Variants in MBD5 observed in about 807,000 individuals in gnomAD.
MBD5 encodes the protein methyl-CpG binding domain protein 5.
A neutral mutation model predicts 117.3 loss-of-function variants in MBD5; 13 were observed. That is an observed-to-expected ratio of 0.11 (90% CI 0.07 to 0.18). MBD5 has a LOEUF of 0.18. Among genes scored for constraint, MBD5 ranks in the 10% least tolerant of loss-of-function variants. The pLI, the probability that MBD5 is intolerant of heterozygous loss-of-function variation, is 1.00. For missense variants in MBD5, 1,879 were observed against 2,093.8 expected (o/e 0.90, Z 2.00); for synonymous variants, 727 against 766.4 (o/e 0.95, Z 0.85).
intron 1 of MBD5, among the ~76,000 whole-genome samples, chr2:148,150,855 G>T (rs1307414771): frequency 1.3e-5 from 2 of 152,164 alleles, no homozygotes; most frequent in Non-Finnish European, 2.9e-5. Flanking sequence ...AGACAATGGG[G>T]TGTTCTAGAT....
At chr2:148,443,691 T>C (rs893989162) in intron 4 of MBD5, among the ~76,000 whole-genome samples, 1 of 150,876 alleles carries the variant, frequency 6.6e-6, no homozygotes, top group African/African-American at 2.5e-5. Flanking sequence ...AAAACTAAAA[T>C]AATTGAACTC....
intron 2 of MBD5, among the ~76,000 whole-genome samples, chr2:148,227,453 G>A (rs1699861099): frequency 6.6e-6 from 1 of 152,118 alleles, no homozygotes; most frequent in Admixed American, 6.6e-5. Flanking sequence ...TGAGGGCTCT[G>A]TTCTGTTCCA....
At chr2:148,040,344 T>G (rs1694319752) in intron 1 of MBD5, among the ~76,000 whole-genome samples, 1 of 151,942 alleles carries the variant, frequency 6.6e-6, no homozygotes, top group Admixed American at 6.6e-5. Flanking sequence ...CATAAAAAAA[T>G]CCCTGCAAAA....
At chr2:148,434,494 T>C (rs1706096263) in intron 4 of MBD5, among the ~76,000 whole-genome samples, 1 of 152,092 alleles carries the variant, frequency 6.6e-6, no homozygotes, top group Non-Finnish European at 1.5e-5. Context: ...TTTCCCACTT[T>C]TTGATTATTT....
At chr2:148,087,825 A>C (rs566994821) in intron 1 of MBD5, among the ~76,000 whole-genome samples, 41 of 152,324 alleles carry the variant, frequency 2.7e-4, no homozygotes, top group African/African-American at 9.6e-4. Flanking sequence ...ACACCCCCAA[A>C]GACCACACTA....
At chr2:148,451,113 G>T (rs1049636457) in intron 4 of MBD5, among the ~76,000 whole-genome samples, 1 of 152,154 alleles carries the variant, frequency 6.6e-6, no homozygotes, top group African/African-American at 2.4e-5. Context: ...CTAATGAGTG[G>T]CAGGGGCAGG....
intron 8 of MBD5, among the ~76,000 whole-genome samples, chr2:148,479,216 A>G (rs527487271): frequency 1.3e-5 from 2 of 152,188 alleles, no homozygotes; most frequent in African/African-American, 4.8e-5. Flanking sequence ...GGTGATTTCA[A>G]CTTCTCGAAA....
intron 3 of MBD5, among the ~76,000 whole-genome samples, chr2:148,261,095 T>C (rs947604703): frequency 6.6e-6 from 1 of 152,210 alleles, no homozygotes; most frequent in African/African-American, 2.4e-5. Flanking sequence ...CTCTAGGCTT[T>C]GTTATTCCAT....
intron 5 of MBD5, among the ~76,000 whole-genome samples, chr2:148,461,960 C>CCT (rs757079609): frequency 7.9e-5 from 12 of 151,428 alleles, no homozygotes; most frequent in Non-Finnish European, 1.2e-4. Flanking sequence ...CTGCTTAATT[C>CCT]CTCTCTCTCT....
chr2:148,402,562 C>A (rs894051609), intron 4 of MBD5, among the ~76,000 whole-genome samples: 1 of 152,098 alleles, frequency 6.6e-6, no homozygotes, highest in Non-Finnish European at 1.5e-5. Context: ...GACTGTACTG[C>A]TTTCTGTCAC....
intron 4 of MBD5, among the ~76,000 whole-genome samples, chr2:148,446,286 A>T (rs1454045926): frequency 6.6e-6 from 1 of 152,108 alleles, no homozygotes. Context: ...TAAGTCTTTA[A>T]TCCATCTTGA....
At chr2:148,211,193 C>T (rs1236457109) in intron 2 of MBD5, among the ~76,000 whole-genome samples, 1 of 151,984 alleles carries the variant, frequency 6.6e-6, no homozygotes, top group Non-Finnish European at 1.5e-5. Context: ...TTCTTTTTTT[C>T]TCTGTGAATT....
intron 1 of MBD5, among the ~76,000 whole-genome samples, chr2:148,154,324 G>C (rs1233804381): frequency 2.0e-5 from 3 of 151,924 alleles, no homozygotes; most frequent in Non-Finnish European, 2.9e-5. Flanking sequence ...GAGAACCACT[G>C]CTCTCTTCAA....
intron 4 of MBD5, among the ~76,000 whole-genome samples, chr2:148,357,653 C>T (rs551900882): frequency 2.0e-4 from 31 of 151,800 alleles, no homozygotes; most frequent in Non-Finnish European, 3.8e-4. Flanking sequence ...TTCTTTCCTT[C>T]TACAACTTTT....
chr2:148,502,828 C>T, intron 12 of MBD5: 1 of 445,112 alleles, frequency 2.2e-6, no homozygotes. Context: ...TAAATAGGCT[C>T]TGGAAGTGTA....
At chr2:148,285,291 TG>T (rs747568206) in intron 3 of MBD5, among the ~76,000 whole-genome samples, 1 of 152,216 alleles carries the variant, frequency 6.6e-6, no homozygotes, top group Non-Finnish European at 1.5e-5. Flanking sequence ...CCTTTGACAT[TG>T]TAACTGTTCT....
chr2:148,388,546 A>G (rs568323619), intron 4 of MBD5, among the ~76,000 whole-genome samples: 23 of 152,272 alleles, frequency 1.5e-4, no homozygotes, highest in Non-Finnish European at 2.8e-4. Flanking sequence ...AATTATATTC[A>G]TTTTCTAGGG....
intron 8 of MBD5, among the ~76,000 whole-genome samples, chr2:148,473,797 A>G (rs1680871166): frequency 6.6e-6 from 1 of 152,216 alleles, no homozygotes; most frequent in Non-Finnish European, 1.5e-5. Context: ...GCTTATGAAT[A>G]TACAAGGCTT....
At chr2:148,268,061 C>T (rs559103380) in intron 3 of MBD5, among the ~76,000 whole-genome samples, 1 of 151,688 alleles carries the variant, frequency 6.6e-6, no homozygotes, top group South Asian at 2.1e-4. Context: ...TCAATTCTCC[C>T]ACCTTGGCCT....
Sources: gnomAD v4.1 joint callset for allele counts (sites outside exome capture counted in the v4.1 genomes callset) on GRCh38, gnomAD v4.1.1 for gene constraint, MANE v1.5 for transcripts, NCBI Gene and HGNC (gene_info 2026-07-23, HGNC 2026-07-21) for gene names.